Variants in CYSTM1 observed in about 807,000 individuals in gnomAD.
CYSTM1 encodes cysteine rich transmembrane module containing 1, also known as cysteine-rich transmembrane module-containing protein 1.
Under a neutral mutation model 13.1 loss-of-function variants are expected in CYSTM1, and 4 were observed. The ratio of observed to expected loss-of-function variants is 0.31; its 90% CI spans 0.15 to 0.70. The LOEUF is 0.70. Ranked by LOEUF, CYSTM1 falls within the 30% of genes least tolerant of loss-of-function variation. The pLI, the probability that CYSTM1 is intolerant of heterozygous loss-of-function variation, is 0.72. For synonymous variants in CYSTM1, 36 were observed against 42.7 expected (o/e 0.84, Z 0.62); for missense variants, 96 against 121.6 (o/e 0.79, Z 0.99).
intron 2 of CYSTM1, among the ~76,000 whole-genome samples, chr5:140,218,057 C>T (rs1185388824): frequency 6.6e-6 from 1 of 152,050 alleles, no homozygotes; most frequent in African/African-American, 2.4e-5. Context: ...TAGAAAGGTT[C>T]TTGGTGATAG....
At chr5:140,238,309 A>T (rs879796270) in intron 2 of CYSTM1, among the ~76,000 whole-genome samples, 3 of 152,178 alleles carry the variant, frequency 2.0e-5, no homozygotes, top group African/African-American at 7.2e-5. Context: ...ATCTCCCTGT[A>T]TAAGAAGGGG....
chr5:140,187,892 A>T (rs1764037461), intron 1 of CYSTM1, among the ~76,000 whole-genome samples: 2 of 152,014 alleles, frequency 1.3e-5, no homozygotes, highest in African/African-American at 4.8e-5. Flanking sequence ...TTAGAGAACC[A>T]AAGTGTCTTG....
At chr5:140,198,769 A>T (rs769977189) in intron 2 of CYSTM1, among the ~76,000 whole-genome samples, 6 of 152,228 alleles carry the variant, frequency 3.9e-5, no homozygotes, top group Non-Finnish European at 7.3e-5. Flanking sequence ...TTTTCAGTAT[A>T]TCAACAGAGT....
At chr5:140,183,948 G>A (rs964353051) in intron 1 of CYSTM1, among the ~76,000 whole-genome samples, 5 of 152,210 alleles carry the variant, frequency 3.3e-5, no homozygotes, top group Non-Finnish European at 7.3e-5. Context: ...ATTGTTGGAA[G>A]CATCTAGGAG....
At chr5:140,228,045 A>G (rs1020011895) in intron 2 of CYSTM1, among the ~76,000 whole-genome samples, 1 of 152,212 alleles carries the variant, frequency 6.6e-6, no homozygotes, top group Non-Finnish European at 1.5e-5. Flanking sequence ...TTCTTTTAGT[A>G]GTAGTCTATT....
chr5:140,212,759 G>T (rs1490963379), intron 2 of CYSTM1, among the ~76,000 whole-genome samples: 1 of 151,998 alleles, frequency 6.6e-6, no homozygotes, highest in East Asian at 1.9e-4. Context: ...TTGAGCCCAG[G>T]AGTTTGAGAC....
chr5:140,206,607 G>GCTGT (rs1554132661), intron 2 of CYSTM1, among the ~76,000 whole-genome samples: 2 of 149,288 alleles, frequency 1.3e-5, no homozygotes, highest in Non-Finnish European at 3.0e-5. Flanking sequence ...GCTGAGCACT[G>GCTGT]TTGTTTGTTT....
At chr5:140,228,716 A>C in intron 2 of CYSTM1, 1 of 398,918 alleles carries the variant, frequency 2.5e-6, no homozygotes, top group Admixed American at 4.4e-5. Flanking sequence ...CCCGCCCTGC[A>C]CCCCCTTCAA....
chr5:140,204,510 T>C (rs1479742674), intron 2 of CYSTM1, among the ~76,000 whole-genome samples: 1 of 152,082 alleles, frequency 6.6e-6, no homozygotes, highest in African/African-American at 2.4e-5. Context: ...TTCCCTTCCT[T>C]ATCTGCACCC....
chr5:140,176,312 T>TAGG (rs1278169702), intron 1 of CYSTM1, among the ~76,000 whole-genome samples: 9 of 152,198 alleles, frequency 5.9e-5, no homozygotes, highest in Middle Eastern at 3.2e-3. Flanking sequence ...CCGACAAGGG[T>TAGG]AGGGGCTCAG....
At chr5:140,190,870 T>C (rs1354234728) in intron 1 of CYSTM1, among the ~76,000 whole-genome samples, 1 of 152,236 alleles carries the variant, frequency 6.6e-6, no homozygotes, top group African/African-American at 2.4e-5. Context: ...TGTTTGCATT[T>C]GATCTGTAGT....
intron 2 of CYSTM1, among the ~76,000 whole-genome samples, chr5:140,226,478 TATATTTATATATATATAATATATATAA>T (rs1414160069): frequency 5.1e-5 from 6 of 116,678 alleles, no homozygotes; most frequent in Admixed American, 2.2e-4. Flanking sequence ...AAAATATATA[TATATTTATATATATATAATATATATAA>T]ATATATATTA....
At chr5:140,193,957 G>A (rs1197451594) in intron 1 of CYSTM1, among the ~76,000 whole-genome samples, 1 of 152,318 alleles carries the variant, frequency 6.6e-6, no homozygotes, top group South Asian at 2.1e-4. Context: ...AGTGCTGCTC[G>A]TTAGAAGGCC....
chr5:140,193,330 C>T (rs1764114538), intron 1 of CYSTM1, among the ~76,000 whole-genome samples: 1 of 152,198 alleles, frequency 6.6e-6, no homozygotes, highest in African/African-American at 2.4e-5. Flanking sequence ...GTTGCCCAGG[C>T]TGGAGTGCAG....
Position 140,194,626 on chromosome 5 carries a change from G to A in CYSTM1, c.161G>A (p.Gly54Glu). 6.2e-7 allele frequency: 1 copy of A among 1,613,080 alleles called. No individual in the cohort carries two copies. Residue 54 changes from glycine to glutamate, a missense_variant, in exon 2 of 3, where the codon GGA (glycine) becomes GAA (glutamate). Physicochemically the swap from Gly to Glu is moderately conservative, Grantham distance 98 (BLOSUM62 -2). Coordinates refer to ENST00000261811, the MANE Select transcript of CYSTM1 (RefSeq NM_032412.4). ...QGYPQYGWQG[G>E]PQEPPKTTVY... ...TACCCACAGTACGGCTGGCAGGGTGGACCTCAGGAGCCTCCTAAAACCACA... is the reference window on the plus strand; with the variant it reads ...TACCCACAGTACGGCTGGCAGGGTGAACCTCAGGAGCCTCCTAAAACCACA...
chr5:140,211,391 CT>C (rs1395999220), intron 2 of CYSTM1, among the ~76,000 whole-genome samples: 3 of 152,212 alleles, frequency 2.0e-5, no homozygotes, highest in African/African-American at 7.2e-5. Flanking sequence ...ACTGAAATCC[CT>C]GATACTTGGC....
intron 2 of CYSTM1, among the ~76,000 whole-genome samples, chr5:140,217,723 G>A (rs898322251): frequency 1.3e-5 from 2 of 152,072 alleles, no homozygotes; most frequent in Non-Finnish European, 2.9e-5. Context: ...TCAGTGCTTT[G>A]CAGTTGCTTC....
At chr5:140,235,437 G>A (rs1219235452) in intron 2 of CYSTM1, among the ~76,000 whole-genome samples, 6 of 142,848 alleles carry the variant, frequency 4.2e-5, no homozygotes, top group Admixed American at 1.4e-4. Context: ...ATGGAGTCTC[G>A]CTCTGTCGCC....
At chr5:140,180,534 C>T (rs1219205110) in intron 1 of CYSTM1, among the ~76,000 whole-genome samples, 3 of 152,092 alleles carry the variant, frequency 2.0e-5, no homozygotes, top group African/African-American at 7.2e-5. Flanking sequence ...ATAAACTGAC[C>T]CTCCCACTTT....
Sources: gnomAD v4.1 joint callset for allele counts (sites outside exome capture counted in the v4.1 genomes callset) on GRCh38, gnomAD v4.1.1 for gene constraint, MANE v1.5 for transcripts, NCBI Gene and HGNC (gene_info 2026-07-23, HGNC 2026-07-21) for gene names.